Variants in FATE1 observed in about 807,000 individuals in gnomAD.
The protein encoded by FATE1 is fetal and adult testis expressed 1.
A neutral mutation model predicts 16.0 loss-of-function variants in FATE1; 18 were observed. The observed-to-expected ratio is 1.12, with a 90% CI of 0.78 to 1.66. The LOEUF is 1.66. Ranked by LOEUF, FATE1 falls within the 40% of genes most tolerant of loss-of-function variation. The pLI is 0.00. For missense variants in FATE1, 169 were observed against 152.7 expected, an observed-to-expected ratio of 1.11 and a Z score of -0.56; for synonymous variants, 76 against 56.9, an observed-to-expected ratio of 1.34 and a Z score of -1.51.
intron 2 of FATE1, among the ~76,000 whole-genome samples, chrX:151,718,877 C>T (rs926873789): frequency 8.0e-5 from 9 of 112,075 alleles, no homozygotes; most frequent in Non-Finnish European, 1.9e-5. Context: ...GGGAGGGAGA[C>T]TCGATTGCTG....
At position 151,721,438 on chromosome X, in the gene FATE1, A is replaced by G; in HGVS notation, c.278A>G (p.His93Arg). The G allele has an allele frequency of 4.9e-6, 6 of 1,212,388 alleles. No individual in the cohort carries two copies. Among genetic ancestry groups the G allele is most frequent in the Non-Finnish European group, 6.7e-6 (6 of 895,560 alleles). Residue 93 changes from histidine (H) to arginine (R), a missense_variant, in exon 3 of 5, where the codon CAT becomes CGT. Physicochemically the swap from His to Arg is conservative, Grantham distance 29. Coordinates refer to ENST00000370350, the MANE Select transcript of FATE1 (RefSeq NM_033085.3). ...CCCAGAATGCTGAGAGAATCAGGCC[A>G]TGGGGATGCCCATCTCCAGGAGTAC... is the stretch of plus-strand genomic sequence containing the variant. Reference protein sequence around the residue: ...PKPRMLRESGHGDAHLQEYAG... With the variant: ...PKPRMLRESGRGDAHLQEYAG...
intron 2 of FATE1, among the ~76,000 whole-genome samples, chrX:151,718,160 GGAAGGA>G (rs2015080521): frequency 3.3e-5 from 3 of 90,511 alleles, no homozygotes; most frequent in African/African-American, 8.7e-5. Context: ...AAGGAAGGAA[GGAAGGA>G]AGGAAGGGGA....
intron 2 of FATE1, among the ~76,000 whole-genome samples, chrX:151,720,122 G>A (rs752976083): frequency 8.9e-6 from 1 of 111,878 alleles, no homozygotes; most frequent in African/African-American, 3.2e-5. Context: ...AACCAGGAGT[G>A]AGAAGTGTGG....
intron 2 of FATE1, among the ~76,000 whole-genome samples, chrX:151,720,645 T>A (rs2015106970): frequency 8.9e-6 from 1 of 112,248 alleles, no homozygotes; most frequent in Non-Finnish European, 1.9e-5. Context: ...TGACGAGGAA[T>A]CAGTCACTTA....
intron 1 of FATE1, 32 bp from the exon 2 acceptor site, chrX:151,717,240 G>T: frequency 8.4e-7 from 1 of 1,190,175 alleles, no homozygotes; most frequent in Non-Finnish European, 1.1e-6. Context: ...AACTTCTATG[G>T]GTGCTCCTGG....
In FATE1 at chrX:151,722,843, C is replaced by G; in HGVS notation, c.*84C>G. 1.8e-6 allele frequency: 2 copies of G among 1,081,983 alleles called. No individual in the cohort carries two copies. Among genetic ancestry groups the G allele is most frequent in the Admixed American group, 2.8e-5 (1 of 35,511 alleles). 89.2% of individuals were successfully genotyped at this position (1,081,983 alleles called of 1,213,427 possible). ...TTTCCCCAGGCCGCCACTGCCCTTG[C>G]CCCTTTCATCTCCCAGCAGCCCTCA... On this transcript the variant is annotated 3_prime_UTR_variant, in exon 5 of 5. Coordinates refer to ENST00000370350, the MANE Select transcript of FATE1 (RefSeq NM_033085.3).
chrX:151,719,496 A>AT (rs1462112320), intron 2 of FATE1, among the ~76,000 whole-genome samples: 1 of 111,994 alleles, frequency 8.9e-6, no homozygotes, highest in Non-Finnish European at 1.9e-5. Flanking sequence ...ATCTCTCAAA[A>AT]TTTTTTTTGT....
At chrX:151,717,544 G>A (rs2015072211) in intron 2 of FATE1, 145 bp downstream of exon 2, 3 of 685,461 alleles carry the variant, frequency 4.4e-6, no homozygotes, top group Non-Finnish European at 6.2e-6. Flanking sequence ...TGGCAAATGA[G>A]GACAGGAAGT....
chrX:151,717,226 G>C (rs1569424795), intron 1 of FATE1, 46 bp from the exon 2 acceptor site: 4 of 1,176,271 alleles, frequency 3.4e-6, no homozygotes, highest in Non-Finnish European at 1.1e-6. Context: ...AGAAACCCTG[G>C]TGCAACTTCT....
chrX:151,722,095 G>A, intron 4 of FATE1, 114 bp downstream of exon 4: 1 of 649,577 alleles, frequency 1.5e-6, no homozygotes, highest in Non-Finnish European at 2.4e-6. Context: ...TTTAGCGCTG[G>A]AGGTGGGGCA....
Position 151,717,360 on chromosome X carries a change from A to G in FATE1, c.195A>G (p.Lys65=). 1.7e-6 allele frequency: 2 copies of G among 1,206,243 alleles called. No individual in the cohort carries two copies. Among genetic ancestry groups the G allele is most frequent in the Non-Finnish European group, 2.2e-6 (2 of 892,290 alleles). ...EQKAAGSASA[K]RVWNMTATRP... ...AAGCTGCTGGCTCTGCTTCAGCCAA[A>G]CGAGTTTGGAATATGACTGCCACCC... The change falls in exon 2 of 5, where the codon AAA becomes AAG. Residue 65 remains lysine, a synonymous_variant. Coordinates refer to ENST00000370350, the MANE Select transcript of FATE1 (RefSeq NM_033085.3).
chrX:151,716,363 AT>A, intron 1 of FATE1, 138 bp downstream of exon 1: 1 of 499,209 alleles, frequency 2.0e-6, no homozygotes, highest in Non-Finnish European at 3.2e-6. Flanking sequence ...GGCTTCGAGG[AT>A]TTGTGGGTTG....
intron 3 of FATE1, 117 bp downstream of exon 3, chrX:151,721,618 C>T (rs2015116766): frequency 3.0e-6 from 2 of 655,961 alleles, no homozygotes; most frequent in Non-Finnish European, 4.8e-6. Context: ...GCCTCCCTGT[C>T]AGAGACCATG....
intron 2 of FATE1, among the ~76,000 whole-genome samples, chrX:151,718,754 T>C (rs747144098): frequency 8.9e-6 from 1 of 112,322 alleles, no homozygotes; most frequent in South Asian, 3.7e-4. Context: ...CATCATTCTG[T>C]AGCCAGTGCT....
intron 4 of FATE1, 28 bp from the exon 5 acceptor site, chrX:151,722,600 A>G (rs748324936): frequency 9.9e-6 from 12 of 1,210,934 alleles, no homozygotes; most frequent in Non-Finnish European, 1.3e-5. Flanking sequence ...AGCCTCGCTC[A>G]GCAGCCCTGC....
Position 151,722,683 on chromosome X carries a change from G to A in FATE1, c.476G>A (p.Arg159His), listed in dbSNP as rs747395629. The change falls in exon 5 of 5, where the codon CGC becomes CAC. Residue 159 changes from arginine to histidine, a missense_variant. Transcript: ENST00000370350. ...CTGGAGGAACAGGGCGCCACCTGGCGCCACAGGGAGACCCTGATCATCGCC... is the reference window on the plus strand; with the variant it reads ...CTGGAGGAACAGGGCGCCACCTGGCACCACAGGGAGACCCTGATCATCGCC... ...RALEEQGATW[R>H]HRETLIIAVL... 9 of 1,211,209 alleles carry A rather than the reference G, an allele frequency of 7.4e-6. No individual in the cohort carries two copies. The Admixed American group carries it at 2.0e-4, about 26-fold the overall frequency.
chrX:151,721,555 G>T, intron 3 of FATE1, 54 bp downstream of exon 3: 1 of 1,070,838 alleles, frequency 9.3e-7, no homozygotes, highest in Non-Finnish European at 1.3e-6. Context: ...CCGGAGTGGG[G>T]CAGAGGGGCT....
chrX:151,718,989 G>C (rs1353353970), intron 2 of FATE1, among the ~76,000 whole-genome samples: 1 of 111,895 alleles, frequency 8.9e-6, no homozygotes, highest in Non-Finnish European at 1.9e-5. Context: ...TTGACTTTTT[G>C]TGTCCAAAGA....
Position 151,721,929 on chromosome X carries a change from A to C in FATE1, c.368A>C (p.Gln123Pro), listed in dbSNP as rs768973008. 8.3e-7 allele frequency: 1 copy of C among 1,211,383 alleles called. No individual in the cohort carries two copies. Among genetic ancestry groups the C allele is most frequent in the Non-Finnish European group, 1.1e-6 (1 of 895,392 alleles). The change falls in exon 4 of 5, where the codon CAG becomes CCG. Residue 123 changes from glutamine (Q) to proline (P), a missense_variant. By Grantham distance (76) the Gln-to-Pro change is moderately conservative (BLOSUM62 -1). Coordinates refer to ENST00000370350, the MANE Select transcript of FATE1 (RefSeq NM_033085.3). ...AACCCAGGGACAGATGCAGTGGCGC[A>C]GACTAGCCTGGAAGAGTTCAATGTA... ...DRNPGTDAVA[Q>P]TSLEEFNVLE...
Sources: allele counts gnomAD v4.1 joint callset (sites outside exome capture counted in the v4.1 genomes callset), GRCh38; gene constraint gnomAD v4.1.1; transcripts MANE v1.5; gene names NCBI Gene and HGNC (gene_info 2026-07-23, HGNC 2026-07-21).